STK32A: variants seen among roughly 807,000 people sequenced by gnomAD.
STK32A encodes the protein serine/threonine kinase 32A.
Under a neutral mutation model 53.2 loss-of-function variants are expected in STK32A, and 41 were observed. The observed-to-expected ratio is 0.77, with a 90% CI of 0.60 to 1.00. STK32A has a LOEUF of 1.00. Among genes scored for constraint, STK32A ranks in the 50% least tolerant of loss-of-function variants. STK32A has a pLI of 0.00. For missense variants in STK32A, 458 were observed against 485.8 expected (o/e 0.94, Z 0.54); for synonymous variants, 166 against 162.8 (o/e 1.02, Z -0.15).
intron 2 of STK32A, among the ~76,000 whole-genome samples, chr5:147,273,509 T>A (rs1234545578): frequency 6.6e-6 from 1 of 152,230 alleles, no homozygotes; most frequent in Non-Finnish European, 1.5e-5. Context: ...ACTCAAATAC[T>A]GGGTATGGCT....
the STK32A span, chr5:147,397,733 G>T: frequency 1.2e-6 from 2 of 1,614,146 alleles, no homozygotes; most frequent in East Asian, 4.5e-5. Flanking sequence ...GAAGCGGCCA[G>T]CCCCCTGGGT....
chr5:147,325,095 C>T (rs1230637717), intron 5 of STK32A, among the ~76,000 whole-genome samples: 1 of 152,042 alleles, frequency 6.6e-6, no homozygotes, highest in African/African-American at 2.4e-5. Flanking sequence ...TCTATGATAC[C>T]AATTCACATT....
At chr5:147,296,705 C>T (rs563656850) in intron 4 of STK32A, among the ~76,000 whole-genome samples, 2 of 152,106 alleles carry the variant, frequency 1.3e-5, no homozygotes, top group African/African-American at 2.4e-5. Context: ...TTCCTGGCGC[C>T]GGCTGCAACC....
chr5:147,326,815 A>G (rs1754616393), intron 5 of STK32A, among the ~76,000 whole-genome samples: 1 of 152,214 alleles, frequency 6.6e-6, no homozygotes, highest in Non-Finnish European at 1.5e-5. Context: ...AAGAGTCAAA[A>G]GCCATAAATA....
intron 4 of STK32A, among the ~76,000 whole-genome samples, chr5:147,293,115 C>T (rs767143890): frequency 3.3e-5 from 5 of 152,090 alleles, no homozygotes; most frequent in African/African-American, 4.8e-5. Flanking sequence ...TTATAAACCA[C>T]TTTTTATGAA....
intron 2 of STK32A, among the ~76,000 whole-genome samples, chr5:147,253,873 T>G (rs1042967520): frequency 9.2e-5 from 14 of 152,186 alleles, no homozygotes; most frequent in African/African-American, 3.4e-4. Flanking sequence ...TCATTCAAAA[T>G]GTACTGATAG....
intron 4 of STK32A, among the ~76,000 whole-genome samples, chr5:147,296,850 G>C (rs115269924): frequency 6.6e-6 from 1 of 152,046 alleles, no homozygotes; most frequent in Non-Finnish European, 1.5e-5. Context: ...GACCAACTTA[G>C]TTAAATAGGT....
At chr5:147,275,184 ATC>A (rs143074943) in intron 2 of STK32A, among the ~76,000 whole-genome samples, 34 of 150,330 alleles carry the variant, frequency 2.3e-4, no homozygotes, top group East Asian at 5.9e-4. Context: ...TTCTGACTTC[ATC>A]TCTCTCTCTC....
At chr5:147,254,760 C>T (rs191172030) in intron 2 of STK32A, among the ~76,000 whole-genome samples, 25 of 152,226 alleles carry the variant, frequency 1.6e-4, no homozygotes, top group South Asian at 4.2e-4. Flanking sequence ...AGCAGGTAAT[C>T]GGACTGAGTT....
At chr5:147,245,990 A>G (rs1349807759) in intron 2 of STK32A, among the ~76,000 whole-genome samples, 1 of 152,226 alleles carries the variant, frequency 6.6e-6, no homozygotes, top group Non-Finnish European at 1.5e-5. Flanking sequence ...TATGAAGGAC[A>G]TCGAAAATTT....
chr5:147,326,504 T>G (rs951299955), intron 5 of STK32A, among the ~76,000 whole-genome samples: 1 of 152,236 alleles, frequency 6.6e-6, no homozygotes, highest in Non-Finnish European at 1.5e-5. Flanking sequence ...TTTGTACCTC[T>G]CCTGAGGAGT....
Position 147,252,734 on chromosome 5 carries a change from T to A in STK32A, c.52+13048T>A, listed in dbSNP as rs533349870. On this transcript the variant is annotated intron_variant, in intron 2 of 12. Transcript: ENST00000397936. ...TTGGCTGTTTTCATTTGCAACCCCA[T>A]CTCCATTCTAGCAGCCCTCATCCCT... is the stretch of plus-strand genomic sequence containing the variant. Among the ~76,000 whole-genome samples the A allele has an allele frequency of 3.3e-5, 5 of 152,306 alleles. No homozygotes were observed. The South Asian group carries it at 1.0e-3, about 32-fold the overall frequency.
At chr5:147,395,678 G>A in the STK32A span, 1 of 1,614,082 alleles carries the variant, frequency 6.2e-7, no homozygotes, top group Admixed American at 1.7e-5. Flanking sequence ...GTCAAACACA[G>A]GCCCATCGTA....
chr5:147,271,829 G>T (rs944699024), intron 2 of STK32A, among the ~76,000 whole-genome samples: 1 of 152,052 alleles, frequency 6.6e-6, no homozygotes, highest in Admixed American at 6.5e-5. Flanking sequence ...AATGACAATG[G>T]TGCCCGAAAC....
chr5:147,389,454 A>G (rs138922011), downstream of STK32A, among the ~76,000 whole-genome samples: 860 of 152,276 alleles, frequency 5.6e-3, 11 homozygotes, highest in African/African-American at 0.02. Flanking sequence ...TAGGTCAATG[A>G]TGAGTACATG....
chr5:147,379,090 T>C (rs1410520078), intron 11 of STK32A, among the ~76,000 whole-genome samples: 3 of 151,896 alleles, frequency 2.0e-5, no homozygotes, highest in Non-Finnish European at 1.5e-5. Context: ...GTGTCCTCTC[T>C]GATTTCCTTG....
chr5:147,237,495 T>C (rs1753373304), intron 1 of STK32A, among the ~76,000 whole-genome samples: 1 of 152,158 alleles, frequency 6.6e-6, no homozygotes, highest in South Asian at 2.1e-4. Context: ...TCCCACTTAC[T>C]TCTTAACTCC....
intron 7 of STK32A, among the ~76,000 whole-genome samples, chr5:147,355,489 C>G (rs971126484): frequency 1.4e-5 from 2 of 147,608 alleles, no homozygotes; most frequent in Non-Finnish European, 3.0e-5. Flanking sequence ...CTGGCTAACA[C>G]GGTGAAACCC....
At chr5:147,393,126 G>C in the STK32A span, 1 of 152,188 alleles carries the variant, frequency 6.6e-6, no homozygotes, top group Admixed American at 6.5e-5. Context: ...AGTGAGAGGT[G>C]ACCTCGCCGT....
Sources: gnomAD v4.1 joint callset for allele counts (sites outside exome capture counted in the v4.1 genomes callset) on GRCh38, gnomAD v4.1.1 for gene constraint, MANE v1.5 for transcripts, NCBI Gene and HGNC (gene_info 2026-07-23, HGNC 2026-07-21) for gene names.